The following DPP10 variants were observed in gnomAD, a reference collection of about 807,000 sequenced individuals.
DPP10 encodes the protein dipeptidyl peptidase like 10, also known as inactive dipeptidyl peptidase 10.
Under a neutral mutation model 120.9 loss-of-function variants are expected in DPP10, and 33 were observed. That is an observed-to-expected ratio of 0.27 (90% confidence interval 0.21 to 0.37). The LOEUF is 0.37. Ranked by LOEUF, DPP10 falls within the 10% of genes least tolerant of loss-of-function variation. DPP10 has a pLI of 1.00. For missense variants in DPP10, 816 were observed against 942.8 expected, an observed-to-expected ratio of 0.87 and a Z score of 1.76; for synonymous variants, 337 against 326.1, an observed-to-expected ratio of 1.03 and a Z score of -0.36.
At chr2:115,804,733 C>A (rs928394062) in intron 19 of DPP10, among the ~76,000 whole-genome samples, 2 of 152,180 alleles carry the variant, frequency 1.3e-5, no homozygotes, top group African/African-American at 2.4e-5. Flanking sequence ...GCAGTGGTGG[C>A]TGCAGAACAG....
At chr2:115,055,982 A>G (rs1705872443) in intron 1 of DPP10, among the ~76,000 whole-genome samples, 2 of 152,212 alleles carry the variant, frequency 1.3e-5, no homozygotes, top group Non-Finnish European at 2.9e-5. Context: ...AAAAATGAAA[A>G]CAAAAAATGG....
chr2:115,130,593 A>C (rs958670350), intron 1 of DPP10, among the ~76,000 whole-genome samples: 2 of 151,892 alleles, frequency 1.3e-5, no homozygotes, highest in Non-Finnish European at 1.5e-5. Flanking sequence ...TTTATAAATG[A>C]TGCTTCTGAC....
At chr2:114,906,797 A>T (rs1694003448) in intron 1 of DPP10, among the ~76,000 whole-genome samples, 1 of 152,010 alleles carries the variant, frequency 6.6e-6, no homozygotes, top group Non-Finnish European at 1.5e-5. Flanking sequence ...TGAAAAAGAG[A>T]TATTTATCTG....
intron 1 of DPP10, among the ~76,000 whole-genome samples, chr2:114,603,546 G>T (rs1692546361): frequency 6.6e-6 from 1 of 152,016 alleles, no homozygotes; most frequent in Non-Finnish European, 1.5e-5. Context: ...TGGTGGTCCT[G>T]ACCTCCCACC....
intron 4 of DPP10, among the ~76,000 whole-genome samples, chr2:115,519,011 G>A (rs1406089794): frequency 6.6e-6 from 1 of 152,080 alleles, no homozygotes; most frequent in Non-Finnish European, 1.5e-5. Context: ...TAAATAATTT[G>A]CATAAATATG....
chr2:115,601,973 G>T (rs1048631620), intron 5 of DPP10, among the ~76,000 whole-genome samples: 2 of 151,942 alleles, frequency 1.3e-5, no homozygotes, highest in African/African-American at 2.4e-5. Context: ...GAGCCACCGC[G>T]CCCGGCCAAT....
intron 1 of DPP10, among the ~76,000 whole-genome samples, chr2:115,216,565 C>G (rs548619890): frequency 6.6e-6 from 1 of 152,196 alleles, no homozygotes; most frequent in South Asian, 2.1e-4. Context: ...AGGTGGATCA[C>G]CTGAGGCCAG....
intron 1 of DPP10, among the ~76,000 whole-genome samples, chr2:114,992,212 C>T (rs1464837866): frequency 1.3e-5 from 2 of 152,206 alleles, no homozygotes; most frequent in African/African-American, 4.8e-5. Context: ...TGGGTCCTAA[C>T]AGGACTAATA....
intron 3 of DPP10, among the ~76,000 whole-genome samples, chr2:115,455,556 A>G (rs2073458289): frequency 6.6e-6 from 1 of 152,140 alleles, no homozygotes; most frequent in South Asian, 2.1e-4. Flanking sequence ...ATGCTACCTG[A>G]CTTTAAACTA....
intron 4 of DPP10, among the ~76,000 whole-genome samples, chr2:115,525,686 C>T (rs2148896503): frequency 6.6e-6 from 1 of 151,932 alleles, no homozygotes; most frequent in Admixed American, 6.6e-5. Flanking sequence ...ATTAGCAAAC[C>T]TGTTCTTACT....
At chr2:115,599,781 A>G (rs1260659058) in intron 5 of DPP10, among the ~76,000 whole-genome samples, 1 of 152,152 alleles carries the variant, frequency 6.6e-6, no homozygotes, top group Admixed American at 6.5e-5. Flanking sequence ...CCTCCAACAG[A>G]TTATTGAAGG....
At chr2:114,714,917 G>A (rs1701257149) in intron 1 of DPP10, among the ~76,000 whole-genome samples, 1 of 152,010 alleles carries the variant, frequency 6.6e-6, no homozygotes, top group East Asian at 1.9e-4. Flanking sequence ...GAATGAAAAA[G>A]AGAAAAACAT....
At chr2:115,030,096 C>A (rs1260959724) in intron 1 of DPP10, among the ~76,000 whole-genome samples, 1 of 152,122 alleles carries the variant, frequency 6.6e-6, no homozygotes, top group Non-Finnish European at 1.5e-5. Context: ...CAGGATCCTA[C>A]CTAATATGTT....
At chr2:114,671,536 A>G (rs1337485003) in intron 1 of DPP10, among the ~76,000 whole-genome samples, 1 of 152,138 alleles carries the variant, frequency 6.6e-6, no homozygotes, top group Non-Finnish European at 1.5e-5. Flanking sequence ...TTTATAAATT[A>G]CCCAGCCTCA....
Position 114,888,180 on chromosome 2 carries a change from G to A in DPP10, c.61-421059G>A, listed in dbSNP as rs146235474. 6.8e-3 allele frequency among the ~76,000 whole-genome samples: 1,025 copies of A among 151,300 alleles called. 15 individuals carry two copies. Among genetic ancestry groups the A allele is most frequent in the African/African-American group, 0.024 (982 of 41,272 alleles). ...AAAAAAGAAAAGAAAAAGAAAATGAGTATCATAATAGCGCTGTATTAGAAG... is the reference window on the plus strand; with the variant it reads ...AAAAAAGAAAAGAAAAAGAAAATGAATATCATAATAGCGCTGTATTAGAAG... On this transcript the variant is annotated intron_variant, in intron 1 of 25. Coordinates refer to ENST00000410059, the MANE Select transcript of DPP10 (RefSeq NM_020868.6).
rs189259379 is a variant in DPP10 at position 115,001,050 on chromosome 2, A to T, written c.61-308189A>T. Among the ~76,000 whole-genome samples, 10 of 152,334 alleles carry T rather than the reference A, an allele frequency of 6.6e-5. No homozygotes were observed. In the East Asian group the frequency reaches 1.9e-3, roughly 29 times the overall value. ...AGAAAATGTAGAACCTATCAAATAA[A>T]CTTTGAGAACCATTAACTTGTTTTA... On this transcript the variant is annotated intron_variant, in intron 1 of 25. Transcript: ENST00000410059.
chr2:115,676,492 G>T (rs1301204039), intron 5 of DPP10, among the ~76,000 whole-genome samples: 1 of 152,014 alleles, frequency 6.6e-6, no homozygotes, highest in East Asian at 1.9e-4. Flanking sequence ...TCAATAAAAA[G>T]ATAGCTGTAT....
intron 1 of DPP10, among the ~76,000 whole-genome samples, chr2:114,866,826 G>T (rs1328335078): frequency 6.6e-6 from 1 of 152,162 alleles, no homozygotes; most frequent in African/African-American, 2.4e-5. Context: ...AGACCTCTTT[G>T]GTTGTTCGGT....
chr2:115,596,346 A>AAC (rs1311862924), intron 5 of DPP10, among the ~76,000 whole-genome samples: 1 of 152,196 alleles, frequency 6.6e-6, no homozygotes, highest in Non-Finnish European at 1.5e-5. Context: ...TGAACTATGA[A>AAC]ACTATGTGAG....
Sources: gnomAD v4.1 joint callset for allele counts (sites outside exome capture counted in the v4.1 genomes callset) on GRCh38, gnomAD v4.1.1 for gene constraint, MANE v1.5 for transcripts, NCBI Gene and HGNC (gene_info 2026-07-23, HGNC 2026-07-21) for gene names.